The following NBEA variants were observed in gnomAD, a reference collection of about 807,000 sequenced individuals.
NBEA encodes lysosomal-trafficking regulator 2.
In NBEA, 44 loss-of-function variants were observed where a neutral mutation model predicts 343.4. That is an observed-to-expected ratio of 0.13 (90% CI 0.10 to 0.16). The LOEUF is 0.16. Ranked by LOEUF, NBEA falls within the 10% of genes least tolerant of loss-of-function variation. The pLI is 1.00. For synonymous variants in NBEA, 1,175 were observed against 1,238.7 expected (o/e 0.95, Z 1.08); for missense variants, 2,555 against 3,631.3 (o/e 0.70, Z 7.62).
chr13:35,562,481 T>C (rs1163663505), intron 44 of NBEA, among the ~76,000 whole-genome samples: 2 of 152,098 alleles, frequency 1.3e-5, no homozygotes, highest in African/African-American at 4.8e-5. Context: ...CTTGAGAATT[T>C]TTTTTAAGGA....
At chr13:35,524,797 T>C (rs935425526) in intron 41 of NBEA, among the ~76,000 whole-genome samples, 4 of 152,318 alleles carry the variant, frequency 2.6e-5, no homozygotes, top group Admixed American at 6.5e-5. Flanking sequence ...TAAAGGCTTA[T>C]TTACACAATG....
At chr13:35,569,444 G>A (rs1203948215) in intron 45 of NBEA, among the ~76,000 whole-genome samples, 2 of 152,086 alleles carry the variant, frequency 1.3e-5, no homozygotes, top group Admixed American at 1.3e-4. Context: ...TACTATTATG[G>A]CTATTGTATT....
chr13:35,602,757 C>T (rs572557974), intron 47 of NBEA, among the ~76,000 whole-genome samples: 54 of 152,250 alleles, frequency 3.5e-4, no homozygotes, highest in African/African-American at 1.2e-3. Flanking sequence ...CCTGGTAACA[C>T]GACTTCTTTC....
chr13:34,963,483 C>T (rs1289226924), intron 1 of NBEA, among the ~76,000 whole-genome samples: 3 of 152,002 alleles, frequency 2.0e-5, no homozygotes, highest in Non-Finnish European at 4.4e-5. Context: ...GAAGTCCTCA[C>T]CTTTAGCATA....
intron 36 of NBEA, among the ~76,000 whole-genome samples, chr13:35,346,563 C>T (rs1012942451): frequency 9.9e-5 from 15 of 152,010 alleles, no homozygotes; most frequent in African/African-American, 3.6e-4. Flanking sequence ...AACAGATTTC[C>T]ATAACCTTTG....
At position 35,040,929 on chromosome 13, in the gene NBEA, T is replaced by G; in HGVS notation, c.295-4T>G. The G allele has an allele frequency of 6.2e-7, 1 of 1,611,040 alleles. No homozygotes were observed. The highest frequency in any genetic ancestry group is 1.3e-5 in the African/African-American group (1 of 74,940). ...CACTATTGTTTCTTTCTGTTTACTT[T>G]CAGCTGGTTGGTGGAGAATTTGACT... On this transcript the variant is annotated splice_polypyrimidine_tract_variant and splice_region_variant and intron_variant, in intron 1 of 58. Transcript: ENST00000379939.
intron 41 of NBEA, among the ~76,000 whole-genome samples, chr13:35,543,227 G>A (rs2078914161): frequency 6.6e-6 from 1 of 152,076 alleles, no homozygotes; most frequent in African/African-American, 2.4e-5. Flanking sequence ...GTTAACACAT[G>A]CACATATGAA....
chr13:34,953,122 A>G (rs1213559023), intron 1 of NBEA, among the ~76,000 whole-genome samples: 1 of 152,196 alleles, frequency 6.6e-6, no homozygotes, highest in Non-Finnish European at 1.5e-5. Context: ...GACCTATGTT[A>G]TCTTATTTAA....
intron 10 of NBEA, among the ~76,000 whole-genome samples, chr13:35,091,385 A>C (rs2065074752): frequency 6.6e-6 from 1 of 152,002 alleles, no homozygotes; most frequent in Admixed American, 6.6e-5. Flanking sequence ...AAAATTTTTT[A>C]ATGAAATTCA....
At chr13:35,037,714 A>G (rs1343063335) in intron 1 of NBEA, among the ~76,000 whole-genome samples, 1 of 152,112 alleles carries the variant, frequency 6.6e-6, no homozygotes, top group Non-Finnish European at 1.5e-5. Flanking sequence ...GTTCTGAGAC[A>G]CCTAAAGCTG....
intron 28 of NBEA, chr13:35,179,603 G>C (rs967863319): frequency 6.0e-6 from 1 of 166,470 alleles, no homozygotes; most frequent in Non-Finnish European, 1.2e-5. Context: ...GGAGGTTTTC[G>C]TGTAGCTATG....
At chr13:35,267,886 A>G (rs546206118) in intron 34 of NBEA, among the ~76,000 whole-genome samples, 1 of 152,070 alleles carries the variant, frequency 6.6e-6, no homozygotes, top group East Asian at 1.9e-4. Flanking sequence ...TTGTGGAATA[A>G]CTTAAACACT....
chr13:34,967,341 CT>C (rs2059855254), intron 1 of NBEA, among the ~76,000 whole-genome samples: 1 of 150,196 alleles, frequency 6.7e-6, no homozygotes, highest in African/African-American at 2.4e-5. Context: ...CTATTTTTTT[CT>C]TTTACCTTTT....
At chr13:35,358,376 C>T (rs1424734621) in intron 38 of NBEA, among the ~76,000 whole-genome samples, 1 of 151,976 alleles carries the variant, frequency 6.6e-6, no homozygotes, top group Non-Finnish European at 1.5e-5. Flanking sequence ...TACTTTCTCC[C>T]CAACTGAGCT....
rs561447611 is a variant in NBEA at position 35,391,615 on chromosome 13, G to A, written c.6179+39292G>A. On this transcript the variant is annotated intron_variant, in intron 38 of 58. Coordinates refer to ENST00000379939, the MANE Select transcript of NBEA (RefSeq NM_001385012.1). ...ATACATGTGTGTTAATATTTACATG[G>A]ATGTTTTTAGGTAAATAATCATTGT... Among the ~76,000 whole-genome samples, 68 of 152,208 alleles carry A rather than the reference G, an allele frequency of 4.5e-4. 1 individual carries two copies. The South Asian group carries it at 6.6e-3, about 15-fold the overall frequency.
intron 48 of NBEA, among the ~76,000 whole-genome samples, chr13:35,624,581 T>G (rs1194091676): frequency 1.3e-5 from 2 of 152,036 alleles, no homozygotes; most frequent in Admixed American, 1.3e-4. Flanking sequence ...AGAATAAATG[T>G]TCCTGAATAG....
At chr13:35,023,664 A>G (rs2061922604) in intron 1 of NBEA, among the ~76,000 whole-genome samples, 1 of 152,180 alleles carries the variant, frequency 6.6e-6, no homozygotes, top group Non-Finnish European at 1.5e-5. Context: ...ATACAAAAGA[A>G]AAAGTGTGAG....
At chr13:34,991,938 G>A (rs921054995) in intron 1 of NBEA, among the ~76,000 whole-genome samples, 3 of 148,152 alleles carry the variant, frequency 2.0e-5, no homozygotes, top group African/African-American at 7.4e-5. Flanking sequence ...AATTGGAATT[G>A]ACAGCATTTA....
rs141454640 is a variant in NBEA at position 35,671,088 on chromosome 13, C to T, written c.*97C>T. 6.4e-5 allele frequency: 50 copies of T among 784,978 alleles called. No individual in the cohort carries two copies. In the African/African-American group the frequency reaches 8.4e-4, roughly 13 times the overall value. The allele number at this position is 784,978 out of a possible 1,614,324, so 48.6% of individuals were successfully genotyped here. A position where few individuals can be genotyped will look rare whatever the true frequency, so the allele number is the denominator to read the frequency against. On this transcript the variant is annotated 3_prime_UTR_variant, in exon 59 of 59. Coordinates refer to ENST00000379939, the MANE Select transcript of NBEA (RefSeq NM_001385012.1). Reference sequence around the variant, plus strand: ...GTGGAAAAAACTCGTCTACATCGACCTCCGTTTGTACATTCCATCACACCC... The same window carrying T: ...GTGGAAAAAACTCGTCTACATCGACTTCCGTTTGTACATTCCATCACACCC...
Sources: gnomAD v4.1 joint callset for allele counts (sites outside exome capture counted in the v4.1 genomes callset) on GRCh38, gnomAD v4.1.1 for gene constraint, MANE v1.5 for transcripts, NCBI Gene and HGNC (gene_info 2026-07-23, HGNC 2026-07-21) for gene names.